SRP54: variants seen among roughly 807,000 people sequenced by gnomAD.
SRP54 encodes the protein signal recognition particle 54, also known as signal recognition particle subunit SRP54.
Under a neutral mutation model 64.8 loss-of-function variants are expected in SRP54, and 10 were observed. The observed-to-expected ratio is 0.15, with a 90% confidence interval of 0.10 to 0.26. The LOEUF is 0.26. Ranked by LOEUF, SRP54 falls within the 10% of genes least tolerant of loss-of-function variation. The probability of loss-of-function intolerance (pLI) is 1.00; values close to 1 mark genes in which losing one functional copy is unlikely to be tolerated. For missense variants in SRP54, 325 were observed against 613.7 expected (o/e 0.53, Z 4.97); for synonymous variants, 193 against 185.6 (o/e 1.04, Z -0.32).
chr14:35,008,580 T>C, intron 5 of SRP54, 47 bp from the exon 6 acceptor site: 1 of 1,273,982 alleles, frequency 7.8e-7, no homozygotes, highest in Non-Finnish European at 1.1e-6. Context: ...ATATGTATAG[T>C]TTGTTATATT....
intron 1 of SRP54, chr14:34,993,583 C>T (rs1403757287): frequency 6.6e-6 from 1 of 152,046 alleles, no homozygotes; most frequent in Non-Finnish European, 1.5e-5. Flanking sequence ...GTGATAGGTC[C>T]TCAAATGCAT....
In SRP54 at chr14:35,029,008, G is replaced by C. The variant is rs574702188; in HGVS notation, c.1424-53G>C. ...TAGGCAAAAGTAATAAATGTTTCCA[G>C]TTCTGCTTAATAATTCTCTGTTTTT... On this transcript the variant is annotated intron_variant, in intron 15 of 15. Coordinates refer to ENST00000216774, the MANE Select transcript of SRP54 (RefSeq NM_003136.4). 2.5e-5 allele frequency: 35 copies of C among 1,417,116 alleles called. No homozygotes were observed. In the South Asian group the frequency reaches 3.8e-4, roughly 15 times the overall value. 87.8% of individuals were successfully genotyped at this position (1,417,116 alleles called of 1,614,324 possible). A position where few individuals can be genotyped will look rare whatever the true frequency, so the allele number is the denominator to read the frequency against.
chr14:35,008,972 C>T (rs2044311666), intron 7 of SRP54, 141 bp downstream of exon 7: 1 of 607,186 alleles, frequency 1.6e-6, no homozygotes, highest in African/African-American at 1.9e-5. Flanking sequence ...CTGCAACCAC[C>T]ACCTCCTGGG....
chr14:35,023,779 G>A (rs1371059646), intron 14 of SRP54, among the ~76,000 whole-genome samples: 4 of 116,934 alleles, frequency 3.4e-5, no homozygotes, highest in African/African-American at 9.4e-5. Flanking sequence ...GTGAGACTCC[G>A]GTCCCCAAAC....
At chr14:35,000,390 A>G (rs776404746) in intron 3 of SRP54, among the ~76,000 whole-genome samples, 2 of 151,894 alleles carry the variant, frequency 1.3e-5, no homozygotes, top group Non-Finnish European at 1.5e-5. Context: ...ACATGGTGAA[A>G]CCCTGTTTCT....
chr14:35,004,145 G>C (rs986588753), intron 4 of SRP54, among the ~76,000 whole-genome samples: 1 of 152,084 alleles, frequency 6.6e-6, no homozygotes, highest in Non-Finnish European at 1.5e-5. Context: ...AGCTACTTGG[G>C]AGGCTGAGGC....
At chr14:34,992,697 A>G (rs1355476544) in intron 1 of SRP54, among the ~76,000 whole-genome samples, 10 of 152,104 alleles carry the variant, frequency 6.6e-5, no homozygotes, top group Admixed American at 6.6e-4. Flanking sequence ...TTCAAGGTTC[A>G]ATATTTGGGT....
intron 3 of SRP54, 80 bp downstream of exon 3, chr14:34,999,729 C>T: frequency 9.8e-7 from 1 of 1,023,854 alleles, no homozygotes; most frequent in Non-Finnish European, 1.5e-6. Flanking sequence ...GAAGTGTTTG[C>T]TGTATCAGGA....
chr14:35,020,549 T>C (rs2044512780), intron 13 of SRP54, among the ~76,000 whole-genome samples: 1 of 152,250 alleles, frequency 6.6e-6, no homozygotes, highest in Non-Finnish European at 1.5e-5. Context: ...TTGAACAATT[T>C]TTCATATCTG....
chr14:35,021,432 C>G (rs2044528109), intron 13 of SRP54, among the ~76,000 whole-genome samples: 1 of 152,066 alleles, frequency 6.6e-6, no homozygotes. Context: ...GAGTTCGAGA[C>G]CAGCCTGGGC....
intron 4 of SRP54, among the ~76,000 whole-genome samples, chr14:35,001,790 AT>A (rs1170329397): frequency 1.3e-5 from 2 of 152,208 alleles, no homozygotes; most frequent in Non-Finnish European, 2.9e-5. Flanking sequence ...AATAGTAAAT[AT>A]AGCCAGTTGC....
chr14:34,995,687 A>G (rs550047847), intron 1 of SRP54, among the ~76,000 whole-genome samples: 2 of 152,300 alleles, frequency 1.3e-5, no homozygotes, highest in South Asian at 4.1e-4. Context: ...GTTAACTGAA[A>G]CAGAAAGTCT....
At chr14:34,999,786 T>C in intron 3 of SRP54, 137 bp downstream of exon 3, 1 of 594,516 alleles carries the variant, frequency 1.7e-6, no homozygotes, top group Non-Finnish European at 3.0e-6. Flanking sequence ...TTGGAGCTCA[T>C]ATGTTGGGCG....
At chr14:34,989,086 A>C (rs1450026741) in intron 1 of SRP54, among the ~76,000 whole-genome samples, 1 of 152,168 alleles carries the variant, frequency 6.6e-6, no homozygotes. Context: ...AGTTGGTTGA[A>C]TCCATGGTTG....
rs1309776249 is a variant in SRP54, at chr14:35,029,300, CCTT to C, written c.*149_*151del. ...TTTTCTTCTCGCCCGCTTTTCCCCT[CCTT>C]TTCTTTTTCCTTCCTTCTTTCCTCC... On this transcript the variant is annotated 3_prime_UTR_variant, in exon 16 of 16. Transcript: ENST00000216774. The C allele has an allele frequency of 2.0e-6, 1 of 508,462 alleles. No homozygotes were observed. Among genetic ancestry groups the C allele is most frequent in the African/African-American group, 2.0e-5 (1 of 50,382 alleles). 31.5% of individuals were successfully genotyped at this position (508,462 alleles called of 1,614,324 possible). A position where few individuals can be genotyped will look rare whatever the true frequency, so the allele number is the denominator to read the frequency against.
chr14:35,009,714 C>T (rs2044324607), intron 7 of SRP54, among the ~76,000 whole-genome samples: 1 of 151,950 alleles, frequency 6.6e-6, no homozygotes, highest in African/African-American at 2.4e-5. Context: ...ATTATATTGG[C>T]GGTATTTTTA....
At position 34,994,815 on chromosome 14, in the gene SRP54, T is replaced by C. The variant is rs141201560; in HGVS notation, c.-33-1862T>C. Among the ~76,000 whole-genome samples the C allele has an allele frequency of 3.9e-5, 6 of 152,212 alleles. No homozygotes were observed. In the East Asian group the frequency reaches 1.2e-3, roughly 29 times the overall value. ...TTTTTGTGGAGACAGAGTCTCACTC[T>C]GTCACCCAGGCTGGATGGAGTGCAG... is the stretch of plus-strand genomic sequence containing the variant. On this transcript the variant is annotated intron_variant, in intron 1 of 15. Coordinates refer to ENST00000216774, the MANE Select transcript of SRP54 (RefSeq NM_003136.4).
chr14:35,000,878 TAG>T (rs1301904122), intron 3 of SRP54, 56 bp from the exon 4 acceptor site: 62 of 901,298 alleles, frequency 6.9e-5, no homozygotes, highest in Non-Finnish European at 1.2e-5. Flanking sequence ...TTCTTTTTCT[TAG>T]AGTTTCTTAA....
chr14:34,995,854 G>A (rs1238863781), intron 1 of SRP54, among the ~76,000 whole-genome samples: 12 of 152,050 alleles, frequency 7.9e-5, no homozygotes, highest in African/African-American at 2.9e-4. Flanking sequence ...GGTTTAAAAT[G>A]GGAAGAGAAC....
Sources: allele counts gnomAD v4.1 joint callset (sites outside exome capture counted in the v4.1 genomes callset), GRCh38; gene constraint gnomAD v4.1.1; transcripts MANE v1.5; gene names NCBI Gene and HGNC (gene_info 2026-07-23, HGNC 2026-07-21).